The following SLC35F6 variants were observed in gnomAD, a reference collection of about 807,000 sequenced individuals.
SLC35F6 encodes the protein ANT2-binding protein.
SLC35F6 carries 26 observed loss-of-function variants against 29.4 expected under a neutral mutation model. The observed-to-expected ratio is 0.89, with a 90% confidence interval of 0.65 to 1.23. The LOEUF is 1.23. Among genes scored for constraint, SLC35F6 ranks in the 50% most tolerant of loss-of-function variants. The pLI is 0.00. For synonymous variants in SLC35F6, 174 were observed against 206.6 expected (o/e 0.84, Z 1.35); for missense variants, 428 against 487.8 (o/e 0.88, Z 1.15).
At chr2:26,765,755 G>A (rs1664086393) in intron 1 of SLC35F6, among the ~76,000 whole-genome samples, 1 of 152,190 alleles carries the variant, frequency 6.6e-6, no homozygotes, top group African/African-American at 2.4e-5. Context: ...AGAACTACTA[G>A]CTTCCCAGGC....
chr2:26,768,300 A>G (rs1471743495), intron 1 of SLC35F6, among the ~76,000 whole-genome samples: 3 of 151,948 alleles, frequency 2.0e-5, no homozygotes, highest in Non-Finnish European at 2.9e-5. Context: ...CATCTGTAAA[A>G]TGGACTTGGT....
chr2:26,780,513 T>C lies in SLC35F6; in HGVS notation c.*2002T>C, dbSNP rs572873741. 10 of 152,348 alleles carry C rather than the reference T, an allele frequency of 6.6e-5. No homozygotes were observed. The South Asian group carries it at 1.7e-3, about 25-fold the overall frequency. 9.4% of individuals were successfully genotyped at this position (152,348 alleles called of 1,614,324 possible). A position where few individuals can be genotyped will look rare whatever the true frequency, so the allele number is the denominator to read the frequency against. ...GTTAAGTTGCTTAACTTTCATTCTG[T>C]CTTACGATAGTCTTCAGAGGTGGGA... On this transcript the variant is annotated 3_prime_UTR_variant, in exon 6 of 6. Transcript: ENST00000344420.
At position 26,768,126 on chromosome 2, in the gene SLC35F6, C is replaced by A. The variant is rs1348245867; in HGVS notation, c.77+3700C>A. Among the ~76,000 whole-genome samples, 15 of 152,230 alleles carry A rather than the reference C, an allele frequency of 9.9e-5. No homozygotes were observed. In the East Asian group the frequency reaches 2.9e-3, roughly 29 times the overall value. Reference sequence around the variant, plus strand: ...TGCCCTTGGCAGCTGCCCCACCACCCTTGGGTTCCATGAACTGGCATGGGA... The same window carrying A: ...TGCCCTTGGCAGCTGCCCCACCACCATTGGGTTCCATGAACTGGCATGGGA... On this transcript the variant is annotated intron_variant, in intron 1 of 5. Transcript: ENST00000344420.
intron 4 of SLC35F6, 77 bp from the exon 5 acceptor site, chr2:26,776,295 G>C: frequency 7.5e-7 from 1 of 1,336,608 alleles, no homozygotes; most frequent in South Asian, 1.2e-5. Context: ...TGGCATGTTT[G>C]GTCGCTGTGG....
chr2:26,764,295 C>A lies in SLC35F6; in HGVS notation c.-55C>A. ...GCCCGGAAGCGCTCGCGCAGGAGACCCCGGGTGACGGGGCCCGGCGCCGCT... is the reference window on the plus strand; with the variant it reads ...GCCCGGAAGCGCTCGCGCAGGAGACACCGGGTGACGGGGCCCGGCGCCGCT... On this transcript the variant is annotated 5_prime_UTR_variant, in exon 1 of 6. Transcript: ENST00000344420. 1.3e-6 allele frequency: 2 copies of A among 1,543,018 alleles called. No homozygotes were observed. Among genetic ancestry groups the A allele is most frequent in the East Asian group, 2.5e-5 (1 of 40,510 alleles).
Position 26,775,058 on chromosome 2 carries a change from C to T in SLC35F6, c.165C>T (p.Phe55=), listed in dbSNP as rs1558293544. ...QHPFLQAVGM[F]LGEFSCLAAF... ...CATCCCTGCAGGCAGTGGGCATGTT[C>T]CTGGGAGAATTCTCCTGCCTGGCTG... Residue 55 remains phenylalanine, a synonymous_variant, in exon 3 of 6, where the codon TTC becomes TTT. Coordinates refer to ENST00000344420, the MANE Select transcript of SLC35F6 (RefSeq NM_017877.4). This position sits in a 1 kb window ranked among gnomAD's most constrained non-coding sequence, Gnocchi z 4.6. 1.9e-6 allele frequency: 3 copies of T among 1,613,692 alleles called. No homozygotes were observed. Among genetic ancestry groups the T allele is most frequent in the Admixed American group, 1.7e-5 (1 of 59,954 alleles).
At chr2:26,766,206 A>G (rs1211947065) in intron 1 of SLC35F6, among the ~76,000 whole-genome samples, 1 of 152,150 alleles carries the variant, frequency 6.6e-6, no homozygotes, top group East Asian at 1.9e-4. Context: ...TTGGACCCTA[A>G]ACAGTGTTCT....
intron 5 of SLC35F6, among the ~76,000 whole-genome samples, chr2:26,777,251 G>A (rs1446914762): frequency 6.6e-6 from 1 of 152,158 alleles, no homozygotes; most frequent in East Asian, 1.9e-4. Context: ...AAATAATCAG[G>A]AATTAAGTAG....
intron 1 of SLC35F6, among the ~76,000 whole-genome samples, chr2:26,767,177 G>A (rs1234746770): frequency 6.6e-6 from 1 of 152,180 alleles, no homozygotes; most frequent in Admixed American, 6.5e-5. Flanking sequence ...CAGCTCCCCA[G>A]GCCAGGACAG....
At chr2:26,771,803 A>C (rs1664200782) in intron 1 of SLC35F6, among the ~76,000 whole-genome samples, 2 of 144,666 alleles carry the variant, frequency 1.4e-5, no homozygotes, top group South Asian at 4.4e-4. Context: ...CCCTCTCTCT[A>C]AAAAAAAAAA....
Position 26,766,201 on chromosome 2 carries a change from C to A in SLC35F6, c.77+1775C>A, listed in dbSNP as rs569439331. Among the ~76,000 whole-genome samples, 6 of 152,268 alleles carry A rather than the reference C, an allele frequency of 3.9e-5. No individual in the cohort carries two copies. In the South Asian group the frequency reaches 1.2e-3, roughly 32 times the overall value. On this transcript the variant is annotated intron_variant, in intron 1 of 5. Coordinates refer to ENST00000344420, the MANE Select transcript of SLC35F6 (RefSeq NM_017877.4). ...CCCCAAGATGGGCCCCCAAATTGGA[C>A]CCTAAACAGTGTTCTAAGGTCAAAC...
At chr2:26,771,796 T>C (rs1382813244) in intron 1 of SLC35F6, among the ~76,000 whole-genome samples, 1 of 150,976 alleles carries the variant, frequency 6.6e-6, no homozygotes, top group East Asian at 2.0e-4. Flanking sequence ...AGTGAGACCC[T>C]CTCTCTAAAA....
At position 26,778,909 on chromosome 2, in the gene SLC35F6, G is replaced by T; in HGVS notation, c.*398G>T. 1 of 185,544 alleles carries T rather than the reference G, an allele frequency of 5.4e-6. No homozygotes were observed. 11.5% of individuals were successfully genotyped at this position (185,544 alleles called of 1,614,324 possible). A position where few individuals can be genotyped will look rare whatever the true frequency, so the allele number is the denominator to read the frequency against. On this transcript the variant is annotated 3_prime_UTR_variant, in exon 6 of 6. Coordinates refer to ENST00000344420, the MANE Select transcript of SLC35F6 (RefSeq NM_017877.4). ...TTCTTCAAAGAAGAAAAGTCAGTGA[G>T]CAAATTTAAACCAGAACTAAGCATT...
rs1310514330 is a variant in SLC35F6, at chr2:26,778,226, C to T, written c.831C>T (p.Asn277=). The change falls in exon 6 of 6, where the codon AAC becomes AAT. Residue 277 remains asparagine, a synonymous_variant. Coordinates refer to ENST00000344420, the MANE Select transcript of SLC35F6 (RefSeq NM_017877.4). ...LGNISSIAFF[N]FAGISVTKEL... ...ACATCAGCAGCATTGCCTTCTTCAACTTCGCAGGCATCAGCGTCACCAAGG... is the reference window on the plus strand; with the variant it reads ...ACATCAGCAGCATTGCCTTCTTCAATTTCGCAGGCATCAGCGTCACCAAGG... 3 of 1,614,206 alleles carry T rather than the reference C, an allele frequency of 1.9e-6. No individual in the cohort carries two copies. Among genetic ancestry groups the T allele is most frequent in the Admixed American group, 1.7e-5 (1 of 60,026 alleles).
rs1317667987 is a variant in SLC35F6, at chr2:26,775,011, A to G, written c.151-33A>G. The G allele has an allele frequency of 2.5e-6, 4 of 1,580,586 alleles. No homozygotes were observed. The highest frequency in any genetic ancestry group is 3.7e-5 in the Admixed American group (2 of 54,030). The stretch of plus-strand genomic sequence containing the variant: ...AAAGATGATCCCCGAGATCCCTTCC[A>G]GCTCTGAAGTCCTCGGGTTTTCATC... On this transcript the variant is annotated intron_variant, in intron 2 of 5. Transcript: ENST00000344420. The surrounding 1 kb of genome is among the most constrained non-coding windows in gnomAD (Gnocchi z 4.6).
In SLC35F6 at chr2:26,775,417, G is replaced by T; in HGVS notation, c.323-47G>T. On this transcript the variant is annotated intron_variant, in intron 3 of 5. Transcript: ENST00000344420. This position sits in a 1 kb window ranked among gnomAD's most constrained non-coding sequence, Gnocchi z 4.6. ...CACCAAAGACCCCTTAGTGACAGAT[G>T]GCCTTCGCCTTGGGAAGCTAACTGT... 1 of 1,593,734 alleles carries T rather than the reference G, an allele frequency of 6.3e-7. No homozygotes were observed.
At chr2:26,770,270 G>A (rs902992147) in intron 1 of SLC35F6, among the ~76,000 whole-genome samples, 20 of 152,136 alleles carry the variant, frequency 1.3e-4, no homozygotes, top group Non-Finnish European at 1.2e-4. Context: ...GCCGGGCATG[G>A]TGGCCCATGC....
chr2:26,765,090 G>C (rs1664073535), intron 1 of SLC35F6: 1 of 890,000 alleles, frequency 1.1e-6, no homozygotes, highest in South Asian at 5.1e-5. Context: ...ATGAGGAGTG[G>C]TTTGGTGCAG....
intron 1 of SLC35F6, chr2:26,764,856 C>T: frequency 1.0e-6 from 1 of 985,312 alleles, no homozygotes; most frequent in Non-Finnish European, 1.2e-6. Flanking sequence ...CAGGGAGGTG[C>T]CCCACGGCCC....
Sources: allele counts gnomAD v4.1 joint callset (sites outside exome capture counted in the v4.1 genomes callset), GRCh38; gene constraint gnomAD v4.1.1; non-coding constraint Gnocchi (gnomAD v3.1); transcripts MANE v1.5; gene names NCBI Gene and HGNC (gene_info 2026-07-23, HGNC 2026-07-21).